Variants in GPC5 observed in about 807,000 individuals in gnomAD.
GPC5 encodes the protein glypican-5.
A neutral mutation model predicts 53.9 loss-of-function variants in GPC5; 47 were observed. The ratio of observed to expected loss-of-function variants is 0.87; its 90% confidence interval spans 0.69 to 1.11. GPC5 has a LOEUF of 1.11. Among genes scored for constraint, GPC5 ranks in the 50% most tolerant of loss-of-function variants. GPC5 has a pLI of 0.00. For missense variants in GPC5, 748 were observed against 713.1 expected, an observed-to-expected ratio of 1.05 and a Z score of -0.56; for synonymous variants, 286 against 263.3, an observed-to-expected ratio of 1.09 and a Z score of -0.84.
intron 7 of GPC5, among the ~76,000 whole-genome samples, chr13:92,523,434 A>G (rs1881146402): frequency 6.6e-6 from 1 of 152,124 alleles, no homozygotes; most frequent in African/African-American, 2.4e-5. Flanking sequence ...TGTAACTTGT[A>G]CAAAGTAATG....
At chr13:91,628,069 G>C (rs2034054678) in intron 2 of GPC5, among the ~76,000 whole-genome samples, 1 of 152,006 alleles carries the variant, frequency 6.6e-6, no homozygotes, top group African/African-American at 2.4e-5. Context: ...ATCTGCAAGA[G>C]ACCATATTAA....
chr13:92,280,649 A>G (rs1006310591), intron 7 of GPC5, among the ~76,000 whole-genome samples: 2 of 152,208 alleles, frequency 1.3e-5, no homozygotes, highest in Non-Finnish European at 2.9e-5. Flanking sequence ...TCAGAGTATG[A>G]CTGTATTAGA....
intron 4 of GPC5, among the ~76,000 whole-genome samples, chr13:91,750,722 C>T (rs2037156170): frequency 7.3e-6 from 1 of 137,466 alleles, no homozygotes; most frequent in South Asian, 2.2e-4. Context: ...CTCTTGCTGC[C>T]CAGGCTGGAG....
intron 1 of GPC5, among the ~76,000 whole-genome samples, chr13:91,444,718 C>A (rs72640373): frequency 6.6e-6 from 1 of 152,242 alleles, no homozygotes; most frequent in Non-Finnish European, 1.5e-5. Context: ...GTGTGTGGTT[C>A]TGTCCTGGAA....
Position 91,423,227 on chromosome 13 carries a change from G to A in GPC5, c.163+24018G>A, listed in dbSNP as rs551965631. Among the ~76,000 whole-genome samples, 273 of 152,284 alleles carry A rather than the reference G, an allele frequency of 1.8e-3. 1 individual carries two copies. Among genetic ancestry groups the A allele is most frequent in the Non-Finnish European group, 2.6e-3 (176 of 68,006 alleles). On this transcript the variant is annotated intron_variant, in intron 1 of 7. Coordinates refer to ENST00000377067, the MANE Select transcript of GPC5 (RefSeq NM_004466.6). ...CAGACTTGAAATGGTATAGTGTACT[G>A]GTTAAGTGCATGAGTTTTGGAGCCA...
intron 7 of GPC5, among the ~76,000 whole-genome samples, chr13:92,306,096 G>A: frequency 6.6e-6 from 1 of 152,168 alleles, no homozygotes; most frequent in East Asian, 1.9e-4. Context: ...ATTGAGTAGT[G>A]AGATTGGGAA....
At chr13:92,497,183 C>T (rs1880010610) in intron 7 of GPC5, among the ~76,000 whole-genome samples, 1 of 152,090 alleles carries the variant, frequency 6.6e-6, no homozygotes, top group African/African-American at 2.4e-5. Context: ...TTTGCCAATG[C>T]CTGTGTCCTG....
At chr13:92,076,564 A>ATTT (rs35009219) in intron 6 of GPC5, among the ~76,000 whole-genome samples, 6,608 of 148,180 alleles carry the variant, frequency 0.045, 208 homozygotes, top group Non-Finnish European at 0.065. Flanking sequence ...CTAAGCTCAG[A>ATTT]TTTTTTTTTT....
Position 91,474,809 on chromosome 13 carries a change from G to T in GPC5, c.325+25887G>T, listed in dbSNP as rs185407152. ...TTTTGATGACAGTAATAAGAACTAG[G>T]GAGAGTATAAAATATGATCGACAAG... On this transcript the variant is annotated intron_variant, in intron 2 of 7. Coordinates refer to ENST00000377067, the MANE Select transcript of GPC5 (RefSeq NM_004466.6). 1.7e-3 allele frequency among the ~76,000 whole-genome samples: 248 copies of T among 149,832 alleles called. 1 individual carries two copies. The highest frequency in any genetic ancestry group is 5.8e-3 in the African/African-American group (240 of 41,220).
chr13:92,206,883 A>G (rs1333542306), intron 7 of GPC5, among the ~76,000 whole-genome samples: 2 of 152,150 alleles, frequency 1.3e-5, no homozygotes, highest in African/African-American at 2.4e-5. Flanking sequence ...GCTGGTTTAC[A>G]TTTAACCTTG....
chr13:92,088,324 T>C (rs550329677), intron 6 of GPC5, among the ~76,000 whole-genome samples: 1 of 152,246 alleles, frequency 6.6e-6, no homozygotes, highest in African/African-American at 2.4e-5. Flanking sequence ...GGATCTATAC[T>C]AGGGAGTGCC....
intron 7 of GPC5, among the ~76,000 whole-genome samples, chr13:92,743,958 A>G (rs192004911): frequency 3.0e-4 from 46 of 152,240 alleles, no homozygotes; most frequent in Admixed American, 1.6e-3. Flanking sequence ...GAGGAGAAAC[A>G]TGATCTAATT....
intron 6 of GPC5, among the ~76,000 whole-genome samples, chr13:92,072,484 C>G (rs1289022790): frequency 6.6e-6 from 1 of 151,378 alleles, no homozygotes; most frequent in African/African-American, 2.4e-5. Flanking sequence ...CCAGGCTGGT[C>G]TCGAACTCCT....
At chr13:92,137,671 G>C (rs1221218347) in intron 6 of GPC5, among the ~76,000 whole-genome samples, 1 of 152,068 alleles carries the variant, frequency 6.6e-6, no homozygotes, top group Non-Finnish European at 1.5e-5. Context: ...TGCTGCCCAG[G>C]CTTTAGTGCA....
At chr13:92,724,309 A>T (rs532926598) in intron 7 of GPC5, among the ~76,000 whole-genome samples, 2 of 151,788 alleles carry the variant, frequency 1.3e-5, no homozygotes, top group South Asian at 4.1e-4. Flanking sequence ...CTTAGAAAAG[A>T]TATCAGGCAC....
chr13:92,105,176 G>C (rs536695758), intron 6 of GPC5, among the ~76,000 whole-genome samples: 43 of 152,050 alleles, frequency 2.8e-4, no homozygotes, highest in Non-Finnish European at 5.9e-4. Context: ...TGTCTTAGAG[G>C]CACTGGTGAG....
intron 6 of GPC5, among the ~76,000 whole-genome samples, chr13:92,130,706 A>G (rs2041736635): frequency 6.6e-6 from 1 of 152,034 alleles, no homozygotes; most frequent in African/African-American, 2.4e-5. Flanking sequence ...TAGAAAGTTT[A>G]AATGTTGTAT....
At chr13:92,749,534 T>C (rs1288552094) in intron 7 of GPC5, among the ~76,000 whole-genome samples, 2 of 152,168 alleles carry the variant, frequency 1.3e-5, no homozygotes, top group Non-Finnish European at 2.9e-5. Flanking sequence ...TAAATGAATA[T>C]ATCATTTAAA....
At chr13:92,235,727 A>T (rs1402153562) in intron 7 of GPC5, among the ~76,000 whole-genome samples, 1 of 152,054 alleles carries the variant, frequency 6.6e-6, no homozygotes, top group Non-Finnish European at 1.5e-5. Flanking sequence ...TCCTTTAATT[A>T]CTACCAGGGA....
Sources: gnomAD v4.1 joint callset for allele counts (sites outside exome capture counted in the v4.1 genomes callset) on GRCh38, gnomAD v4.1.1 for gene constraint, MANE v1.5 for transcripts, NCBI Gene and HGNC (gene_info 2026-07-23, HGNC 2026-07-21) for gene names.